Variants in MAD2L2 observed in about 807,000 individuals in gnomAD.
MAD2L2 encodes mitotic arrest deficient 2 like 2.
MAD2L2 carries 17 observed loss-of-function variants against 30.5 expected under a neutral mutation model. The observed-to-expected ratio is 0.56, with a 90% CI of 0.38 to 0.84. The LOEUF (loss-of-function observed/expected upper bound fraction) is 0.84, where lower values mean the gene tolerates loss of function less well. MAD2L2 is among the 40% of genes least tolerant of loss of function. The pLI is 0.00. For synonymous variants in MAD2L2, 101 were observed against 113.9 expected, an observed-to-expected ratio of 0.89 and a Z score of 0.72; for missense variants, 213 against 277.4, an observed-to-expected ratio of 0.77 and a Z score of 1.65.
At chr1:11,682,809 T>C (rs905760309), upstream of MAD2L2, among the ~76,000 whole-genome samples, 1 of 152,108 alleles carries the variant, frequency 6.6e-6, no homozygotes, top group African/African-American at 2.4e-5. Context: ...AAATCATCCA[T>C]CCAAAGGGAT....
At chr1:11,680,741 C>T (rs532333439) in intron 1 of MAD2L2, 128 bp from the exon 2 acceptor site, 1 of 1,415,118 alleles carries the variant, frequency 7.1e-7, no homozygotes, top group African/African-American at 1.5e-5. Context: ...TTCGCACAGG[C>T]TCAGGGCAGC....
At position 11,674,789 on chromosome 1, in the gene MAD2L2, G is replaced by A. The variant is rs1640727803; in HGVS notation, c.622C>T (p.His208Tyr). The A allele has an allele frequency of 1.5e-5, 24 of 1,613,568 alleles. No homozygotes were observed. Among genetic ancestry groups the A allele is most frequent in the Non-Finnish European group, 2.0e-5 (24 of 1,179,992 alleles). The change falls in exon 9 of 9, where the codon CAT (histidine) becomes TAT (tyrosine). Residue 208 changes from histidine to tyrosine, a missense_variant. By Grantham distance (83) the His-to-Tyr change is moderately conservative. Transcript: ENST00000376692. The surrounding 1 kb of genome is among the most constrained non-coding windows in gnomAD (Gnocchi z 6.1). ...KMQLYVEERA[H>Y]KGS ...CAGGTGCCCCCTCAGCTGCCTTTAT[G>A]AGCGCGCTCTTCCACGTAAAGCTGC...
chr1:11,677,419 G>A, intron 4 of MAD2L2, 124 bp downstream of exon 4: 1 of 933,590 alleles, frequency 1.1e-6, no homozygotes, highest in South Asian at 1.4e-5. Context: ...CAGGCTTCTG[G>A]GTATTGGAGC....
rs1641004547 is a variant in MAD2L2 at position 11,688,585 on chromosome 1, A to G, written c.-692+2828T>C. 1.3e-5 allele frequency among the ~76,000 whole-genome samples: 2 copies of G among 151,870 alleles called. No individual in the cohort carries two copies. The highest frequency in any genetic ancestry group is 1.9e-4 in the East Asian group (1 of 5,180). On this transcript the variant is annotated intron_variant, in intron 1 of 10. Coordinates refer to the MAD2L2 transcript ENST00000235310. This position sits in a 1 kb window ranked among gnomAD's most constrained non-coding sequence, Gnocchi z 4.6. ...CAAAAAAAAAAAAGAAAAAGCAATC[A>G]GCAAACCTGCTAAAAACCTAAGTCG...
Position 11,674,739 on chromosome 1 carries a change from G to T in MAD2L2, c.*36C>A. On this transcript the variant is annotated 3_prime_UTR_variant, in exon 9 of 9. Transcript: ENST00000376692. The surrounding 1 kb of genome is among the most constrained non-coding windows in gnomAD (Gnocchi z 6.1). Reference sequence around the variant, plus strand: ...CCTAGGCGGGGATCCCCCAAAGTCTGACAGTTTGGGCATCAGTGGGGTGGC... The same window carrying T: ...CCTAGGCGGGGATCCCCCAAAGTCTTACAGTTTGGGCATCAGTGGGGTGGC... The T allele has an allele frequency of 6.2e-7, 1 of 1,610,268 alleles. No individual in the cohort carries two copies. The highest frequency in any genetic ancestry group is 1.1e-5 in the South Asian group (1 of 90,910).
At chr1:11,676,562 T>C (rs1198404880) in intron 5 of MAD2L2, among the ~76,000 whole-genome samples, 2 of 152,222 alleles carry the variant, frequency 1.3e-5, no homozygotes, top group Admixed American at 6.5e-5. Flanking sequence ...AACTAACGCA[T>C]GTGCCAGAGG....
Position 11,674,672 on chromosome 1 carries a change from G to T in MAD2L2, c.*103C>A. The T allele has an allele frequency of 8.0e-7, 1 of 1,246,292 alleles. No individual in the cohort carries two copies. The highest frequency in any genetic ancestry group is 1.2e-6 in the Non-Finnish European group (1 of 858,322). The allele number at this position is 1,246,292 out of a possible 1,614,324, so 77.2% of individuals were successfully genotyped here. Reference sequence around the variant, plus strand: ...TGGGGCGGGCGATCCACACACAGAGGCGATAAGAGCACTTGGAATCAGGGC... The same window carrying T: ...TGGGGCGGGCGATCCACACACAGAGTCGATAAGAGCACTTGGAATCAGGGC... On this transcript the variant is annotated 3_prime_UTR_variant, in exon 9 of 9. Transcript: ENST00000376692. This position sits in a 1 kb window ranked among gnomAD's most constrained non-coding sequence, Gnocchi z 6.1.
At chr1:11,675,002 C>A in intron 8 of MAD2L2, 80 bp downstream of exon 8, 1 of 1,350,270 alleles carries the variant, frequency 7.4e-7, no homozygotes. Flanking sequence ...CCCGCAAGCC[C>A]TCTAGTAAGG....
At chr1:11,676,820 T>C (rs776665821) in intron 5 of MAD2L2, 28 bp downstream of exon 5, 1 of 1,571,974 alleles carries the variant, frequency 6.4e-7, no homozygotes, top group South Asian at 1.1e-5. Context: ...TGATGCCAGC[T>C]AGTGGGCGAG....
intron 3 of MAD2L2, among the ~76,000 whole-genome samples, chr1:11,678,241 C>A (rs904922512): frequency 6.6e-6 from 1 of 151,806 alleles, no homozygotes; most frequent in Non-Finnish European, 1.5e-5. Context: ...ATGGCAAAAC[C>A]CCATCTCTAC....
At chr1:11,685,333 A>C (rs1028042125), upstream of MAD2L2, among the ~76,000 whole-genome samples, 12 of 152,198 alleles carry the variant, frequency 7.9e-5, no homozygotes, top group African/African-American at 2.9e-4. Context: ...CACTTGCCTG[A>C]CTTGAATCCC....
upstream of MAD2L2, among the ~76,000 whole-genome samples, chr1:11,684,950 C>T (rs1441595109): frequency 6.7e-6 from 1 of 148,686 alleles, no homozygotes; most frequent in African/African-American, 2.5e-5. Flanking sequence ...TTCCCAGAGA[C>T]AGGGTCTCTC....
chr1:11,686,701 C>T (rs906460280), intron 1 of MAD2L2, among the ~76,000 whole-genome samples: 2 of 151,834 alleles, frequency 1.3e-5, no homozygotes, highest in Non-Finnish European at 2.9e-5. Flanking sequence ...CTGCGCCCGG[C>T]CCAGAGACAC....
intron 3 of MAD2L2, among the ~76,000 whole-genome samples, chr1:11,678,261 A>G (rs1285664633): frequency 6.6e-6 from 1 of 151,694 alleles, no homozygotes; most frequent in Non-Finnish European, 1.5e-5. Context: ...CTAAAAATAC[A>G]AAAATTAGCC....
chr1:11,682,506 AAAGTAACCTGT>A (rs1001196992), upstream of MAD2L2, among the ~76,000 whole-genome samples: 1 of 137,970 alleles, frequency 7.2e-6, no homozygotes, highest in African/African-American at 2.7e-5. Context: ...GGGGAGAGAA[AAAGTAACCTGT>A]AAGTAACCCA....
chr1:11,681,724 TAAC>T (rs1640883766), upstream of MAD2L2: 1 of 152,328 alleles, frequency 6.6e-6, no homozygotes. Flanking sequence ...CTACGCTTCA[TAAC>T]AATAGCTGAC....
chr1:11,677,629 A>C lies in MAD2L2; in HGVS notation c.160-15T>G. 1.2e-6 allele frequency: 2 copies of C among 1,609,414 alleles called. No homozygotes were observed. Among genetic ancestry groups the C allele is most frequent in the Non-Finnish European group, 1.7e-6 (2 of 1,178,616 alleles). ...TGGCAGGACATCTGCACACAATACCATGCGGCTCGTGAGGCCCAAAGCACA... is the reference window on the plus strand; with the variant it reads ...TGGCAGGACATCTGCACACAATACCCTGCGGCTCGTGAGGCCCAAAGCACA... On this transcript the variant is annotated splice_polypyrimidine_tract_variant and intron_variant, in intron 3 of 8. Transcript: ENST00000376692.
chr1:11,691,200 C>T (rs981674313), intron 1 of MAD2L2, among the ~76,000 whole-genome samples: 1 of 151,812 alleles, frequency 6.6e-6, no homozygotes, highest in Admixed American at 6.5e-5. Flanking sequence ...ACAGTCTAGG[C>T]GGAATAATCC....
chr1:11,686,214 A>T (rs1418181665), intron 1 of MAD2L2, among the ~76,000 whole-genome samples: 1 of 152,150 alleles, frequency 6.6e-6, no homozygotes, highest in African/African-American at 2.4e-5. Flanking sequence ...AAGATGCCTA[A>T]AGACAAGGAC....
Sources: allele counts gnomAD v4.1 joint callset (sites outside exome capture counted in the v4.1 genomes callset), GRCh38; gene constraint gnomAD v4.1.1; non-coding constraint Gnocchi (gnomAD v3.1); transcripts MANE v1.5; gene names NCBI Gene and HGNC (gene_info 2026-07-23, HGNC 2026-07-21).